Variants in DLGAP1 observed in about 807,000 individuals in gnomAD.
DLGAP1 encodes DLG associated protein 1, also known as disks large-associated protein 1.
A neutral mutation model predicts 90.8 loss-of-function variants in DLGAP1; 11 were observed. The observed-to-expected ratio is 0.12, with a 90% CI of 0.08 to 0.20. The LOEUF (loss-of-function observed/expected upper bound fraction) is 0.20. Among genes scored for constraint, DLGAP1 ranks in the 10% least tolerant of loss-of-function variants. The pLI, the probability that DLGAP1 is intolerant of heterozygous loss-of-function variation, is 1.00. For missense variants in DLGAP1, 1,050 were observed against 1,333.8 expected (o/e 0.79, Z 3.31); for synonymous variants, 558 against 540.7 (o/e 1.03, Z -0.44).
intron 8 of DLGAP1, among the ~76,000 whole-genome samples, chr18:3,575,250 C>T (rs2055054536): frequency 6.6e-6 from 1 of 152,090 alleles, no homozygotes; most frequent in Non-Finnish European, 1.5e-5. Flanking sequence ...TATATCTGTA[C>T]ACTTGGACAG....
At chr18:3,893,904 T>C (rs1326460983) in intron 3 of DLGAP1, among the ~76,000 whole-genome samples, 1 of 152,198 alleles carries the variant, frequency 6.6e-6, no homozygotes, top group Non-Finnish European at 1.5e-5. Flanking sequence ...TTTTTAATGA[T>C]AGCCATTTTG....
chr18:4,064,131 C>T (rs1031296547), intron 2 of DLGAP1, among the ~76,000 whole-genome samples: 8 of 151,952 alleles, frequency 5.3e-5, no homozygotes, highest in African/African-American at 1.9e-4. Flanking sequence ...TCATCTGTAC[C>T]ATATAATCTA....
At chr18:4,175,713 A>T (rs1463041097) in intron 1 of DLGAP1, among the ~76,000 whole-genome samples, 2 of 152,178 alleles carry the variant, frequency 1.3e-5, no homozygotes, top group African/African-American at 4.8e-5. Context: ...GGTTTGTCAA[A>T]GACCGGATGT....
At chr18:3,611,554 C>T (rs926243208) in intron 7 of DLGAP1, among the ~76,000 whole-genome samples, 3 of 152,154 alleles carry the variant, frequency 2.0e-5, no homozygotes. Flanking sequence ...CCCTGCTTGT[C>T]ATTTCTGTTA....
rs34333673 is a variant in DLGAP1, at chr18:4,219,027, G to GTTTT, written c.-266-67744_-266-67741dup. Reference sequence around the variant, plus strand: ...TGGGTCTTATGCTAGTTCTATCTTTGTTTTTTTTTTTTTTTTTTTTTTTTA... The same window carrying GTTTT: ...TGGGTCTTATGCTAGTTCTATCTTTGTTTTTTTTTTTTTTTTTTTTTTTTTTTTA... On this transcript the variant is annotated intron_variant, in intron 1 of 12. Coordinates refer to ENST00000315677, the MANE Select transcript of DLGAP1 (RefSeq NM_004746.4). 3.7e-4 allele frequency among the ~76,000 whole-genome samples: 34 copies of GTTTT among 92,008 alleles called. 1 individual carries two copies. The highest frequency in any genetic ancestry group is 1.2e-3 in the African/African-American group (28 of 22,730). The allele number at this position is 92,008 out of a possible 152,430, so 60.4% of individuals were successfully genotyped here.
chr18:3,880,335 C>G (rs1001529437), intron 3 of DLGAP1, among the ~76,000 whole-genome samples, 195 bp from the exon 4 acceptor site: 1 of 152,032 alleles, frequency 6.6e-6, no homozygotes, highest in African/African-American at 2.4e-5. Flanking sequence ...AGGCAGGCCC[C>G]ACCACGCTTG....
chr18:4,244,561 G>A lies in DLGAP1; in HGVS notation c.-266-93274C>T, dbSNP rs151177209. ...ACTATGAGTTGCCAAATCAGTGATG[G>A]GGGAAATGGCAATGAAAATAAAATA... On this transcript the variant is annotated intron_variant, in intron 1 of 12. Coordinates refer to ENST00000315677, the MANE Select transcript of DLGAP1 (RefSeq NM_004746.4). Among the ~76,000 whole-genome samples the A allele has an allele frequency of 3.1e-3, 469 of 152,216 alleles. 4 individuals carry two copies. The highest frequency in any genetic ancestry group is 0.017 in the Middle Eastern group (5 of 294).
At chr18:3,641,462 G>A (rs1021072593) in intron 7 of DLGAP1, among the ~76,000 whole-genome samples, 3 of 150,450 alleles carry the variant, frequency 2.0e-5, no homozygotes, top group Admixed American at 6.6e-5. Flanking sequence ...GCTTGAACCC[G>A]GGAGGAGGAG....
Position 4,030,650 on chromosome 18 carries a change from G to A in DLGAP1, c.-158-25449C>T, listed in dbSNP as rs143392401. Among the ~76,000 whole-genome samples the A allele has an allele frequency of 9.6e-3, 1,467 of 152,370 alleles. 24 individuals are homozygous for A. The highest frequency in any genetic ancestry group is 0.033 in the African/African-American group (1,365 of 41,588). Reference sequence around the variant, plus strand: ...AACTGTATGCTTTTGGCTGGGTGCAGTGGCTCATGCCTGTAATCCCAGCAC... The same window carrying A: ...AACTGTATGCTTTTGGCTGGGTGCAATGGCTCATGCCTGTAATCCCAGCAC... On this transcript the variant is annotated intron_variant, in intron 2 of 12. Transcript: ENST00000315677.
intron 9 of DLGAP1, among the ~76,000 whole-genome samples, chr18:3,562,339 T>C (rs1434642586): frequency 6.6e-6 from 1 of 152,064 alleles, no homozygotes; most frequent in Non-Finnish European, 1.5e-5. Context: ...GCAACTGATA[T>C]GGTTTTGTGT....
intron 1 of DLGAP1, among the ~76,000 whole-genome samples, chr18:4,314,548 C>T (rs2080479251): frequency 6.6e-6 from 1 of 152,180 alleles, no homozygotes; most frequent in African/African-American, 2.4e-5. Flanking sequence ...AATGGAATAT[C>T]ATATAATTAA....
At chr18:4,210,767 C>G (rs759424797) in intron 1 of DLGAP1, among the ~76,000 whole-genome samples, 28 of 152,116 alleles carry the variant, frequency 1.8e-4, no homozygotes, top group Non-Finnish European at 3.5e-4. Context: ...TCCCAGAAGA[C>G]TGTATTATGT....
intron 3 of DLGAP1, among the ~76,000 whole-genome samples, chr18:3,937,049 C>T (rs551730600): frequency 6.6e-6 from 1 of 152,302 alleles, no homozygotes; most frequent in South Asian, 2.1e-4. Context: ...ATAAGCTCTA[C>T]ATGGAGGCTG....
At chr18:4,003,407 C>T (rs9950716) in intron 3 of DLGAP1, among the ~76,000 whole-genome samples, 9,138 of 148,348 alleles carry the variant, frequency 0.062, 779 homozygotes, top group African/African-American at 0.19. Context: ...TTTTTGGACC[C>T]ATCTTCTTTT....
intron 1 of DLGAP1, among the ~76,000 whole-genome samples, chr18:4,232,553 G>A (rs2078322556): frequency 6.6e-6 from 1 of 152,114 alleles, no homozygotes; most frequent in Non-Finnish European, 1.5e-5. Context: ...AGACAATGTT[G>A]TTGTAATGTA....
chr18:3,529,928 T>G (rs757683051), intron 10 of DLGAP1, among the ~76,000 whole-genome samples: 19 of 152,246 alleles, frequency 1.2e-4, no homozygotes, highest in Non-Finnish European at 2.2e-4. Flanking sequence ...CTTTCAAATA[T>G]ATGTTATTGT....
At chr18:4,217,534 C>G (rs2077982982) in intron 1 of DLGAP1, among the ~76,000 whole-genome samples, 1 of 151,940 alleles carries the variant, frequency 6.6e-6, no homozygotes, top group Non-Finnish European at 1.5e-5. Flanking sequence ...TTTGGTACTG[C>G]AGTTCTTTAA....
At chr18:3,574,884 G>A (rs886072570) in intron 8 of DLGAP1, among the ~76,000 whole-genome samples, 2 of 150,460 alleles carry the variant, frequency 1.3e-5, no homozygotes, top group Admixed American at 6.7e-5. Context: ...GCACAATCTT[G>A]GCTCACTGCA....
intron 1 of DLGAP1, among the ~76,000 whole-genome samples, chr18:4,426,878 C>G (rs952821488): frequency 4.6e-5 from 7 of 152,006 alleles, no homozygotes; most frequent in African/African-American, 1.7e-4. Flanking sequence ...AGGGACATAA[C>G]TGTAATGAAG....
Sources: gnomAD v4.1 joint callset for allele counts (sites outside exome capture counted in the v4.1 genomes callset) on GRCh38, gnomAD v4.1.1 for gene constraint, MANE v1.5 for transcripts, NCBI Gene and HGNC (gene_info 2026-07-23, HGNC 2026-07-21) for gene names.